CD164: variants seen among roughly 807,000 people sequenced by gnomAD.
CD164 encodes the protein sialomucin core protein 24.
In CD164, 11 loss-of-function variants were observed where a neutral mutation model predicts 24.6. The observed-to-expected ratio is 0.45, with a 90% CI of 0.28 to 0.74. CD164 has a LOEUF of 0.74. CD164 is among the 30% of genes least tolerant of loss of function. CD164 has a pLI of 0.13. For synonymous variants in CD164, 126 were observed against 100.3 expected (o/e 1.26, Z -1.53); for missense variants, 295 against 243.7 (o/e 1.21, Z -1.40).
chr6:109,370,291 G>T (rs760548832), intron 5 of CD164, 120 bp downstream of exon 5: 14 of 762,484 alleles, frequency 1.8e-5, no homozygotes, highest in Non-Finnish European at 2.9e-5. Context: ...CTAAGAGTAA[G>T]AGAAGAATTT....
chr6:109,379,726 T>A, intron 1 of CD164, 64 bp from the exon 2 acceptor site: 2 of 1,222,576 alleles, frequency 1.6e-6, no homozygotes, highest in Non-Finnish European at 2.4e-6. Context: ...TTTGAATCTG[T>A]ATTACTTATC....
chr6:109,374,323 C>T (rs1771275211), intron 4 of CD164, among the ~76,000 whole-genome samples: 2 of 152,178 alleles, frequency 1.3e-5, no homozygotes, highest in African/African-American at 4.8e-5. Flanking sequence ...TCCCAAATGA[C>T]AGGCCCAACC....
chr6:109,380,974 TAA>T (rs763363459), intron 1 of CD164, among the ~76,000 whole-genome samples: 2 of 152,234 alleles, frequency 1.3e-5, no homozygotes, highest in South Asian at 2.1e-4. Flanking sequence ...AACAAAACAT[TAA>T]GTTTACTATA....
At chr6:109,381,381 T>C in intron 1 of CD164, 1 of 638,756 alleles carries the variant, frequency 1.6e-6, no homozygotes, top group Non-Finnish European at 2.8e-6. Context: ...AAACATACGC[T>C]ATCTGAGCAC....
At chr6:109,379,755 T>A (rs1771630751) in intron 1 of CD164, 93 bp from the exon 2 acceptor site, 1 of 864,404 alleles carries the variant, frequency 1.2e-6, no homozygotes, top group Non-Finnish European at 1.8e-6. Context: ...CAATAAGCAT[T>A]ACATACAGCA....
Position 109,367,765 on chromosome 6 carries a change from AATAAT to A in CD164, c.*1081_*1085del, listed in dbSNP as rs1477708432. 6.6e-6 allele frequency: 1 copy of A among 152,610 alleles called. No individual in the cohort carries two copies. Among genetic ancestry groups the A allele is most frequent in the Admixed American group, 6.5e-5 (1 of 15,278 alleles). The allele number at this position is 152,610 out of a possible 1,614,324, so 9.5% of individuals were successfully genotyped here. A position where few individuals can be genotyped will look rare whatever the true frequency, so the allele number is the denominator to read the frequency against. On this transcript the variant is annotated 3_prime_UTR_variant, in exon 6 of 6. Transcript: ENST00000310786. ...TCTCATTTAAAATAAATGATTCTAA[AATAAT>A]ATGATTGTCTCATTTAAATAGTAAA...
chr6:109,371,626 T>C (rs1771079361), intron 4 of CD164: 1 of 153,802 alleles, frequency 6.5e-6, no homozygotes, highest in Non-Finnish European at 1.5e-5. Context: ...AAAGGAAGGA[T>C]GTGAATATAG....
Position 109,367,469 on chromosome 6 carries a change from C to A in CD164, c.*1382G>T, listed in dbSNP as rs1474727289. On this transcript the variant is annotated 3_prime_UTR_variant, in exon 6 of 6. Transcript: ENST00000310786. ...AAAGCCCATTTTAAACTACTTAAAGCCTCTGCACTAGTCCAATGAGTCAAA... is the reference window on the plus strand; with the variant it reads ...AAAGCCCATTTTAAACTACTTAAAGACTCTGCACTAGTCCAATGAGTCAAA... The A allele has an allele frequency of 6.6e-6, 1 of 152,302 alleles. No homozygotes were observed. The highest frequency in any genetic ancestry group is 1.5e-5 in the Non-Finnish European group (1 of 68,018). 9.4% of individuals were successfully genotyped at this position (152,302 alleles called of 1,614,324 possible). A position where few individuals can be genotyped will look rare whatever the true frequency, so the allele number is the denominator to read the frequency against.
At chr6:109,374,719 CCTT>C (rs1472636677) in intron 4 of CD164, among the ~76,000 whole-genome samples, 4 of 152,174 alleles carry the variant, frequency 2.6e-5, no homozygotes, top group Non-Finnish European at 5.9e-5. Flanking sequence ...CAGCTTAACT[CCTT>C]CTCACCTTGT....
rs560958034 is a variant in CD164 at position 109,368,773 on chromosome 6, A to G, written c.*78T>C. On this transcript the variant is annotated 3_prime_UTR_variant, in exon 6 of 6. Transcript: ENST00000310786. The stretch of plus-strand genomic sequence containing the variant: ...CCTGGAATAGCGTCTTCCATGTGGG[A>G]CATCTTAAAAGATAGTATTTTGGCT... 4.6e-6 allele frequency: 7 copies of G among 1,514,440 alleles called. No homozygotes were observed. The African/African-American group carries it at 9.8e-5, about 21-fold the overall frequency. The allele number at this position is 1,514,440 out of a possible 1,614,324, so 93.8% of individuals were successfully genotyped here.
At chr6:109,381,851 A>G in intron 1 of CD164, 4 of 508,678 alleles carry the variant, frequency 7.9e-6, no homozygotes, top group Non-Finnish European at 1.4e-5. Context: ...CCCCATCCTC[A>G]ACCCCACCGC....
intron 1 of CD164, chr6:109,381,874 A>C: frequency 2.1e-6 from 1 of 484,370 alleles, no homozygotes; most frequent in Non-Finnish European, 3.7e-6. Context: ...CCCCCGCGGA[A>C]GGAAGCCACG....
rs372610114 is a variant in CD164 at position 109,382,172 on chromosome 6, G to T, written c.175+32C>A. On this transcript the variant is annotated intron_variant, in intron 1 of 5. Transcript: ENST00000310786. The stretch of plus-strand genomic sequence containing the variant: ...GGCAGTGCGGCTCGGCTGGGCAGGG[G>T]AGGGCGGGAAGCCCACAGGGCCCGC... The T allele has an allele frequency of 1.2e-4, 180 of 1,493,260 alleles. 1 individual carries two copies. In the South Asian group the frequency reaches 2.1e-3, roughly 18 times the overall value. The allele number at this position is 1,493,260 out of a possible 1,614,324, so 92.5% of individuals were successfully genotyped here.
In CD164 at chr6:109,382,218, G is replaced by T; in HGVS notation, c.161C>A (p.Thr54Asn). The stretch of plus-strand genomic sequence containing the variant: ...CCCGCGCCCACCTGGTGCCGGAGTG[G>T]TGACCAGCGGGAGGGACGTCACCGG... ...SAPVTSLPLV[T>N]TPAPETCEGR... The change falls in exon 1 of 6, where the codon ACC becomes AAC. Residue 54 changes from threonine (T) to asparagine (N), a missense_variant. Transcript: ENST00000310786. The T allele has an allele frequency of 6.4e-7, 1 of 1,571,774 alleles. No homozygotes were observed. The highest frequency in any genetic ancestry group is 8.6e-7 in the Non-Finnish European group (1 of 1,164,024).
At chr6:109,371,565 A>G (rs1372467608) in intron 4 of CD164, 1 of 153,770 alleles carries the variant, frequency 6.5e-6, no homozygotes, top group Non-Finnish European at 1.5e-5. Context: ...TCACCTATTA[A>G]GTTTCTATTG....
intron 5 of CD164, among the ~76,000 whole-genome samples, chr6:109,370,174 T>A (rs534836146): frequency 6.6e-6 from 1 of 152,186 alleles, no homozygotes; most frequent in Non-Finnish European, 1.5e-5. Context: ...ACATTATTAC[T>A]TAATTCTAAA....
At chr6:109,370,919 T>A (rs1362788900) in intron 4 of CD164, 1 of 162,102 alleles carries the variant, frequency 6.2e-6, no homozygotes, top group Non-Finnish European at 1.3e-5. Flanking sequence ...CTTAAATGGG[T>A]TGAAAGCAAA....
At chr6:109,374,599 C>T (rs1347701146) in intron 4 of CD164, among the ~76,000 whole-genome samples, 1 of 152,174 alleles carries the variant, frequency 6.6e-6, no homozygotes, top group East Asian at 1.9e-4. Flanking sequence ...CAAGTCTGAT[C>T]ATATGACCTA....
intron 4 of CD164, chr6:109,370,694 G>T (rs1015646666): frequency 4.5e-6 from 2 of 443,528 alleles, no homozygotes; most frequent in African/African-American, 4.1e-5. Flanking sequence ...TAATATCTAT[G>T]TATCTATCTT....
Sources: gnomAD v4.1 joint callset for allele counts (sites outside exome capture counted in the v4.1 genomes callset) on GRCh38, gnomAD v4.1.1 for gene constraint, MANE v1.5 for transcripts, NCBI Gene and HGNC (gene_info 2026-07-23, HGNC 2026-07-21) for gene names.